SLC39A8: variants seen among roughly 807,000 people sequenced by gnomAD.
SLC39A8 encodes the protein metal cation symporter ZIP8.
SLC39A8 carries 15 observed loss-of-function variants against 40.4 expected under a neutral mutation model. The ratio of observed to expected loss-of-function variants is 0.37; its 90% CI spans 0.25 to 0.57. SLC39A8 has a LOEUF of 0.57. Ranked by LOEUF, SLC39A8 falls within the 20% of genes least tolerant of loss-of-function variation. SLC39A8 has a pLI of 0.75. For missense variants in SLC39A8, 472 were observed against 558.8 expected (o/e 0.84, Z 1.57); for synonymous variants, 223 against 221.6 (o/e 1.01, Z -0.06).
At chr4:102,277,999 A>C (rs1218389288) in intron 6 of SLC39A8, among the ~76,000 whole-genome samples, 1 of 152,238 alleles carries the variant, frequency 6.6e-6, no homozygotes, top group Non-Finnish European at 1.5e-5. Flanking sequence ...GATGGATTGA[A>C]GATTTAAATG....
At chr4:102,323,648 A>C (rs911592406) in intron 2 of SLC39A8, among the ~76,000 whole-genome samples, 3 of 152,268 alleles carry the variant, frequency 2.0e-5, no homozygotes, top group African/African-American at 7.2e-5. Flanking sequence ...TAACCTCTTT[A>C]ATCAACCACT....
At chr4:102,253,111 G>A in exon 12 of SLC39A8, 1 of 270,186 alleles carries the variant, frequency 3.7e-6, no homozygotes, top group South Asian at 1.6e-4. Flanking sequence ...TTCCAAATAA[G>A]GTCACATTCT....
At chr4:102,327,404 T>C (rs1030930332) in intron 2 of SLC39A8, among the ~76,000 whole-genome samples, 10 of 152,186 alleles carry the variant, frequency 6.6e-5, no homozygotes, top group African/African-American at 2.4e-4. Context: ...TAATCAGCCT[T>C]ATATTGTAAC....
chr4:102,255,491 A>T (rs1441030474), intron 11 of SLC39A8, among the ~76,000 whole-genome samples: 1 of 152,102 alleles, frequency 6.6e-6, no homozygotes, highest in Non-Finnish European at 1.5e-5. Context: ...CAGGAACATG[A>T]CCACCAGAAG....
chr4:102,312,308 C>T (rs927566905), intron 3 of SLC39A8, among the ~76,000 whole-genome samples: 1 of 152,030 alleles, frequency 6.6e-6, no homozygotes, highest in Non-Finnish European at 1.5e-5. Flanking sequence ...CATTTCAATT[C>T]CTAAGACAAT....
At chr4:102,327,494 T>C (rs557407444) in intron 2 of SLC39A8, among the ~76,000 whole-genome samples, 15 of 152,312 alleles carry the variant, frequency 9.8e-5, no homozygotes, top group African/African-American at 2.4e-4. Context: ...CTCCTGTCTG[T>C]CCTGCAAGGC....
At position 102,307,609 on chromosome 4, in the gene SLC39A8, T is replaced by C; in HGVS notation, c.383-4A>G. 1.2e-6 allele frequency: 2 copies of C among 1,611,718 alleles called. No individual in the cohort carries two copies. The highest frequency in any genetic ancestry group is 1.7e-6 in the Non-Finnish European group (2 of 1,178,814). On this transcript the variant is annotated splice_region_variant and splice_polypyrimidine_tract_variant and intron_variant, in intron 3 of 8. Coordinates refer to ENST00000356736, the MANE Select transcript of SLC39A8 (RefSeq NM_001135146.2). Reference sequence around the variant, plus strand: ...GACAGGAATCCATATCCCCAAACTGTGGGTCAGAGGGAAAAGAGAGTAGAA... The same window carrying C: ...GACAGGAATCCATATCCCCAAACTGCGGGTCAGAGGGAAAAGAGAGTAGAA...
intron 2 of SLC39A8, among the ~76,000 whole-genome samples, chr4:102,330,049 G>A (rs911449768): frequency 2.0e-5 from 3 of 152,148 alleles, no homozygotes; most frequent in African/African-American, 7.2e-5. Context: ...ATAGCATTAA[G>A]TATCCACAGG....
At chr4:102,320,173 A>ATGAG (rs1734847496) in intron 2 of SLC39A8, among the ~76,000 whole-genome samples, 1 of 63,624 alleles carries the variant, frequency 1.6e-5, no homozygotes, top group Non-Finnish European at 3.1e-5. Context: ...ATATACATAT[A>ATGAG]TATATATATA....
At chr4:102,337,495 T>G (rs1011380635) in intron 2 of SLC39A8, among the ~76,000 whole-genome samples, 33 of 152,138 alleles carry the variant, frequency 2.2e-4, no homozygotes, top group African/African-American at 8.0e-4. Context: ...GATAACTGTG[T>G]GAGAAAGCTC....
downstream of SLC39A8, among the ~76,000 whole-genome samples, chr4:102,257,783 A>G (rs1368349627): frequency 6.6e-6 from 1 of 152,236 alleles, no homozygotes; most frequent in Non-Finnish European, 1.5e-5. Context: ...TTACCAACTT[A>G]CTAACACTGA....
intron 2 of SLC39A8, among the ~76,000 whole-genome samples, chr4:102,330,013 C>T (rs767907277): frequency 6.6e-6 from 1 of 152,104 alleles, no homozygotes; most frequent in Non-Finnish European, 1.5e-5. Flanking sequence ...TGGGACACAG[C>T]TAAAGCAGTG....
At chr4:102,251,554 A>T (rs550102915) in exon 12 of SLC39A8, 5 of 152,358 alleles carry the variant, frequency 3.3e-5, no homozygotes, top group Admixed American at 1.3e-4. Context: ...AAGACAGGTT[A>T]ACGGGAGAAA....
Position 102,344,576 on chromosome 4 carries a change from G to A in SLC39A8, c.87C>T (p.Phe29=). Reference sequence around the variant, plus strand: ...CGAACACGCTCAGCACATCCTCGCTGAAGGCTAGCCCTGGCCCCTCCGCCA... The same window carrying A: ...CGAACACGCTCAGCACATCCTCGCTAAAGGCTAGCCCTGGCCCCTCCGCCA... The part of the protein sequence containing the change: ...GGVAEGPGLA[F]SEDVLSVFGA... Residue 29 remains phenylalanine (F), a synonymous_variant, in exon 2 of 9, where the codon TTC becomes TTT. Coordinates refer to ENST00000356736, the MANE Select transcript of SLC39A8 (RefSeq NM_001135146.2). 1 of 1,550,662 alleles carries A rather than the reference G, an allele frequency of 6.4e-7. No homozygotes were observed. Among genetic ancestry groups the A allele is most frequent in the Non-Finnish European group, 8.7e-7 (1 of 1,147,298 alleles).
At chr4:102,315,509 T>G (rs1302981396) in intron 3 of SLC39A8, among the ~76,000 whole-genome samples, 159 bp downstream of exon 3, 1 of 152,150 alleles carries the variant, frequency 6.6e-6, no homozygotes, top group Non-Finnish European at 1.5e-5. Flanking sequence ...TGAGTTATAA[T>G]TCTTCTTATT....
chr4:102,329,951 C>T (rs570655356), intron 2 of SLC39A8, among the ~76,000 whole-genome samples: 15 of 152,204 alleles, frequency 9.9e-5, no homozygotes, highest in Admixed American at 2.0e-4. Context: ...ACGAAATTAA[C>T]GCAGAAATAA....
At chr4:102,272,429 C>T (rs1042697884) in intron 6 of SLC39A8, among the ~76,000 whole-genome samples, 2 of 140,712 alleles carry the variant, frequency 1.4e-5, no homozygotes, top group Non-Finnish European at 3.1e-5. Flanking sequence ...AGTGAGACTC[C>T]ATCTCAGAAA....
intron 4 of SLC39A8, 142 bp downstream of exon 4, chr4:102,307,294 T>C (rs1021429647): frequency 4.8e-5 from 47 of 975,190 alleles, no homozygotes; most frequent in Non-Finnish European, 6.4e-5. Flanking sequence ...TTACAATTGC[T>C]GTGATTCAGC....
chr4:102,332,716 C>G (rs2149052255), intron 2 of SLC39A8, among the ~76,000 whole-genome samples: 1 of 152,340 alleles, frequency 6.6e-6, no homozygotes, highest in East Asian at 1.9e-4. Flanking sequence ...CACATGAACA[C>G]ATATGTTTAT....
Sources: gnomAD v4.1 joint callset for allele counts (sites outside exome capture counted in the v4.1 genomes callset) on GRCh38, gnomAD v4.1.1 for gene constraint, MANE v1.5 for transcripts, NCBI Gene and HGNC (gene_info 2026-07-23, HGNC 2026-07-21) for gene names.